The following SHANK2 variants were observed in gnomAD, a reference collection of about 807,000 sequenced individuals.
SHANK2 encodes the protein SH3 and multiple ankyrin repeat domains protein 2.
In SHANK2, 43 loss-of-function variants were observed where a neutral mutation model predicts 133.7. The ratio of observed to expected loss-of-function variants is 0.32; its 90% CI spans 0.25 to 0.41. The LOEUF (loss-of-function observed/expected upper bound fraction) is 0.41, where lower values mean the gene tolerates loss of function less well. Among genes scored for constraint, SHANK2 ranks in the 10% least tolerant of loss-of-function variants. The probability of loss-of-function intolerance (pLI) is 1.00; values close to 1 mark genes in which losing one functional copy is unlikely to be tolerated. For synonymous variants in SHANK2, 1,017 were observed against 952.8 expected (o/e 1.07, Z -1.24); for missense variants, 1,994 against 2,235.8 (o/e 0.89, Z 2.18).
intron 11 of SHANK2, among the ~76,000 whole-genome samples, chr11:70,880,070 C>T (rs1463185143): frequency 6.6e-6 from 1 of 152,210 alleles, no homozygotes; most frequent in African/African-American, 2.4e-5. Flanking sequence ...GGTGCTGTGC[C>T]TGCCAGGGCT....
At chr11:70,547,085 C>G (rs1304836702) in intron 17 of SHANK2, among the ~76,000 whole-genome samples, 1 of 152,104 alleles carries the variant, frequency 6.6e-6, no homozygotes, top group Non-Finnish European at 1.5e-5. Flanking sequence ...ATCTCCCTCA[C>G]CCTTGATGCT....
chr11:70,790,958 C>T (rs1947775029), intron 14 of SHANK2, among the ~76,000 whole-genome samples: 1 of 152,164 alleles, frequency 6.6e-6, no homozygotes, highest in African/African-American at 2.4e-5. Flanking sequence ...CGAGGATGAC[C>T]AGGCCACAGA....
rs530466702 is a variant in SHANK2, at chr11:71,133,288, G to A, written c.207+13832C>T. Reference sequence around the variant, plus strand: ...TGGATGGATGGATGGATGGCCGGCCGGACGGCTGGCTGGCTGGCTGGCTGG... The same window carrying A: ...TGGATGGATGGATGGATGGCCGGCCAGACGGCTGGCTGGCTGGCTGGCTGG... On this transcript the variant is annotated intron_variant, in intron 3 of 25. Coordinates refer to ENST00000601538, the MANE Select transcript of SHANK2 (RefSeq NM_012309.5). 1.9e-3 allele frequency among the ~76,000 whole-genome samples: 294 copies of A among 150,864 alleles called. 1 individual carries two copies. Among genetic ancestry groups the A allele is most frequent in the Non-Finnish European group, 3.0e-3 (201 of 67,532 alleles).
At chr11:70,503,687 G>A (rs2059094468) in intron 17 of SHANK2, among the ~76,000 whole-genome samples, 1 of 152,216 alleles carries the variant, frequency 6.6e-6, no homozygotes, top group Non-Finnish European at 1.5e-5. Context: ...CCTCACCATG[G>A]CAAATGCACC....
intron 15 of SHANK2, among the ~76,000 whole-genome samples, chr11:70,695,590 G>A (rs1369615406): frequency 2.6e-5 from 4 of 152,172 alleles, no homozygotes; most frequent in African/African-American, 7.2e-5. Context: ...TCCTCACCGC[G>A]GGAGGGTGGG....
chr11:71,090,083 C>T (rs916472105), intron 8 of SHANK2, among the ~76,000 whole-genome samples: 7 of 120,920 alleles, frequency 5.8e-5, no homozygotes, highest in Non-Finnish European at 1.2e-4. Flanking sequence ...TACAGAGACA[C>T]AGAACGTGTG....
At chr11:71,228,482 G>A (rs1223740073) in intron 1 of SHANK2, among the ~76,000 whole-genome samples, 3 of 152,228 alleles carry the variant, frequency 2.0e-5, no homozygotes, top group Non-Finnish European at 4.4e-5. Context: ...TACAGGCTGG[G>A]TATGGTGGCT....
intron 14 of SHANK2, among the ~76,000 whole-genome samples, chr11:70,770,915 CTTTTTTTTTTTTTTTTTT>C (rs71467419): frequency 2.2e-5 from 2 of 92,824 alleles, no homozygotes; most frequent in Non-Finnish European, 4.0e-5. Flanking sequence ...CTCTTACTTC[CTTTTTTTTTTTTTTTTTT>C]TTTTTTTTTT....
chr11:70,599,096 G>A (rs188087064), intron 17 of SHANK2, among the ~76,000 whole-genome samples: 10 of 151,464 alleles, frequency 6.6e-5, no homozygotes, highest in African/African-American at 1.5e-4. Flanking sequence ...ATAATCAGTC[G>A]ATAAAAGATG....
At chr11:71,095,453 C>A (rs1314898522) in intron 6 of SHANK2, among the ~76,000 whole-genome samples, 1 of 152,226 alleles carries the variant, frequency 6.6e-6, no homozygotes, top group Non-Finnish European at 1.5e-5. Context: ...TTGAGGTCCT[C>A]TTTTGAGAGT....
At chr11:70,650,564 C>T (rs141582308) in intron 17 of SHANK2, among the ~76,000 whole-genome samples, 6 of 152,304 alleles carry the variant, frequency 3.9e-5, no homozygotes, top group African/African-American at 1.4e-4. Context: ...GCTGTACAGC[C>T]ACACACATTT....
At chr11:70,516,796 T>C (rs1243669199) in intron 17 of SHANK2, among the ~76,000 whole-genome samples, 1 of 152,170 alleles carries the variant, frequency 6.6e-6, no homozygotes, top group African/African-American at 2.4e-5. Flanking sequence ...GGGCTGGGCA[T>C]GGTGGCTCAT....
chr11:70,757,120 C>A (rs891992860), intron 14 of SHANK2, among the ~76,000 whole-genome samples: 7 of 152,204 alleles, frequency 4.6e-5, no homozygotes, highest in Non-Finnish European at 1.0e-4. Context: ...CTCCATGCAT[C>A]CCTTTAGTAG....
rs372288166 is a variant in SHANK2, at chr11:70,798,428, G to A, written c.1777+15C>T. ...TGCAGGATCGAGGGTGGGCGGCCAC[G>A]AGCGCTCGCCTTACCTGCCTGGCTG... On this transcript the variant is annotated intron_variant, in intron 14 of 25. Transcript: ENST00000601538. The A allele has an allele frequency of 5.6e-6, 4 of 717,490 alleles. No individual in the cohort carries two copies. The highest frequency in any genetic ancestry group is 2.0e-5 in the Admixed American group (1 of 50,018). The allele number at this position is 717,490 out of a possible 1,614,324, so 44.4% of individuals were successfully genotyped here.
intron 14 of SHANK2, among the ~76,000 whole-genome samples, chr11:70,776,192 C>A (rs1046777081): frequency 1.3e-5 from 2 of 152,238 alleles, no homozygotes; most frequent in Admixed American, 6.5e-5. Flanking sequence ...CTTTTCAGGG[C>A]ATGACAACAT....
At chr11:70,921,444 G>A (rs1318178321) in intron 10 of SHANK2, among the ~76,000 whole-genome samples, 1 of 152,216 alleles carries the variant, frequency 6.6e-6, no homozygotes, top group Non-Finnish European at 1.5e-5. Context: ...AGTGAAGTAG[G>A]GCTCCTAAGG....
rs116995236 is a variant in SHANK2, at chr11:71,149,213, T to A, written c.-12-1875A>T. Among the ~76,000 whole-genome samples the A allele has an allele frequency of 2.4e-4, 37 of 152,292 alleles. No homozygotes were observed. The East Asian group carries it at 6.0e-3, about 25-fold the overall frequency. Reference sequence around the variant, plus strand: ...CTGAAGACGATGGAGGAAAAGCAGGTGCGAGAACAGCTCGCTGCCTTCCCC... The same window carrying A: ...CTGAAGACGATGGAGGAAAAGCAGGAGCGAGAACAGCTCGCTGCCTTCCCC... On this transcript the variant is annotated intron_variant, in intron 2 of 25. Transcript: ENST00000601538.
At chr11:70,710,064 T>C (rs1332184801) in intron 14 of SHANK2, among the ~76,000 whole-genome samples, 1 of 152,112 alleles carries the variant, frequency 6.6e-6, no homozygotes, top group African/African-American at 2.4e-5. Context: ...AGAGGTTTTC[T>C]AGGCGCTCTC....
At chr11:70,801,330 G>T (rs1162690471) in intron 13 of SHANK2, among the ~76,000 whole-genome samples, 1 of 152,248 alleles carries the variant, frequency 6.6e-6, no homozygotes, top group Non-Finnish European at 1.5e-5. Context: ...CCCAACACGG[G>T]GAGCCTTCAT....
Sources: gnomAD v4.1 joint callset for allele counts (sites outside exome capture counted in the v4.1 genomes callset) on GRCh38, gnomAD v4.1.1 for gene constraint, MANE v1.5 for transcripts, NCBI Gene and HGNC (gene_info 2026-07-23, HGNC 2026-07-21) for gene names.